The following BORCS5 variants were observed in gnomAD, a reference collection of about 807,000 sequenced individuals.
BORCS5 encodes BLOC-1-related complex subunit 5.
BORCS5 carries 17 observed loss-of-function variants against 22.1 expected under a neutral mutation model. The observed-to-expected ratio is 0.77, with a 90% CI of 0.53 to 1.15. The LOEUF (loss-of-function observed/expected upper bound fraction) is 1.15. Ranked by LOEUF, BORCS5 falls within the 50% of genes most tolerant of loss-of-function variation. The probability of loss-of-function intolerance (pLI) is 0.00; values close to 1 mark genes in which losing one functional copy is unlikely to be tolerated. For synonymous variants in BORCS5, 117 were observed against 99.8 expected (o/e 1.17, Z -1.03); for missense variants, 247 against 253.2 (o/e 0.98, Z 0.17).
intron 3 of BORCS5, among the ~76,000 whole-genome samples, chr12:12,458,686 C>G (rs954717499): frequency 2.0e-5 from 3 of 146,840 alleles, no homozygotes; most frequent in Non-Finnish European, 4.5e-5. Context: ...TCAAGAGATT[C>G]TCCTGGCTGG....
chr12:12,361,659 A>G (rs1863289676), intron 2 of BORCS5, among the ~76,000 whole-genome samples: 1 of 152,224 alleles, frequency 6.6e-6, no homozygotes, highest in African/African-American at 2.4e-5. Flanking sequence ...TTGAATTCCC[A>G]GCACGTGAAA....
chr12:12,410,745 T>A (rs933992053), intron 2 of BORCS5, among the ~76,000 whole-genome samples: 2 of 152,192 alleles, frequency 1.3e-5, no homozygotes, highest in African/African-American at 4.8e-5. Flanking sequence ...TTCAAGTAGT[T>A]TTTTCCAATT....
intron 1 of BORCS5, among the ~76,000 whole-genome samples, 182 bp downstream of exon 1, chr12:12,357,691 G>A (rs1046067548): frequency 2.0e-5 from 3 of 152,026 alleles, no homozygotes; most frequent in African/African-American, 7.2e-5. Flanking sequence ...GGAAGTGCGT[G>A]TGACTGCAAG....
chr12:12,387,096 G>T (rs993762967), intron 2 of BORCS5, among the ~76,000 whole-genome samples: 1 of 151,224 alleles, frequency 6.6e-6, no homozygotes, highest in South Asian at 2.1e-4. Flanking sequence ...TCAAACACCT[G>T]GCCTCAAGTC....
chr12:12,416,773 T>C (rs934766058), intron 2 of BORCS5, among the ~76,000 whole-genome samples: 1 of 149,264 alleles, frequency 6.7e-6, no homozygotes. Context: ...TGTTTTTTAA[T>C]GTAAACTTTT....
intron 3 of BORCS5, among the ~76,000 whole-genome samples, chr12:12,456,885 A>G (rs1943007026): frequency 6.6e-6 from 1 of 152,044 alleles, no homozygotes; most frequent in African/African-American, 2.4e-5. Flanking sequence ...GTAAGTTGTC[A>G]TCTGAGTGAT....
Position 12,377,733 on chromosome 12 carries a change from A to G in BORCS5, c.202+16384A>G, listed in dbSNP as rs148124649. Among the ~76,000 whole-genome samples the G allele has an allele frequency of 3.7e-3, 571 of 152,316 alleles. 4 individuals are homozygous for G. Among genetic ancestry groups the G allele is most frequent in the African/African-American group, 0.012 (495 of 41,568 alleles). ...AGCTTCTGTAGTATTTCAGGGGATC[A>G]GTAGCTCTTGAGAGCTAGCGGTAGT... On this transcript the variant is annotated intron_variant, in intron 2 of 3. Transcript: ENST00000314565.
At chr12:12,385,457 G>C (rs1215446271) in intron 2 of BORCS5, among the ~76,000 whole-genome samples, 3 of 151,340 alleles carry the variant, frequency 2.0e-5, no homozygotes, top group Non-Finnish European at 4.4e-5. Context: ...GAGGCAGGAA[G>C]GTTGGGAGAA....
intron 2 of BORCS5, among the ~76,000 whole-genome samples, chr12:12,392,960 G>C (rs1941234491): frequency 6.6e-6 from 1 of 152,050 alleles, no homozygotes; most frequent in Non-Finnish European, 1.5e-5. Context: ...CAGGTGTGGT[G>C]GCTCATGCCT....
chr12:12,439,358 T>G (rs1001395004), intron 3 of BORCS5, among the ~76,000 whole-genome samples: 1 of 152,194 alleles, frequency 6.6e-6, no homozygotes. Flanking sequence ...GCGGGCGACA[T>G]GGCTCATGCC....
chr12:12,406,328 A>G (rs1414289533), intron 2 of BORCS5, among the ~76,000 whole-genome samples: 1 of 152,194 alleles, frequency 6.6e-6, no homozygotes, highest in Non-Finnish European at 1.5e-5. Flanking sequence ...TTTTTCTGAA[A>G]TTGATCTTGT....
intron 2 of BORCS5, among the ~76,000 whole-genome samples, chr12:12,367,991 T>C (rs192996764): frequency 2.3e-4 from 35 of 152,336 alleles, no homozygotes; most frequent in African/African-American, 7.0e-4. Flanking sequence ...GCTTTCTCTG[T>C]TCTCATTTCT....
intron 2 of BORCS5, among the ~76,000 whole-genome samples, chr12:12,392,740 GA>G (rs1220303424): frequency 2.0e-5 from 3 of 152,112 alleles, no homozygotes; most frequent in African/African-American, 7.3e-5. Context: ...AATTATTATA[GA>G]AAGTTCTTTT....
chr12:12,375,750 ATTTGC>A (rs1474618914), intron 2 of BORCS5, among the ~76,000 whole-genome samples: 1 of 152,222 alleles, frequency 6.6e-6, no homozygotes, highest in Non-Finnish European at 1.5e-5. Context: ...ATAGATAATC[ATTTGC>A]TTCTACCAAC....
intron 2 of BORCS5, among the ~76,000 whole-genome samples, chr12:12,402,308 A>C (rs1941499193): frequency 6.6e-6 from 1 of 152,180 alleles, no homozygotes; most frequent in Admixed American, 6.5e-5. Flanking sequence ...GAGAAAAAAG[A>C]GTTGAGAGAG....
At chr12:12,415,336 TAGG>T (rs1451626792) in intron 2 of BORCS5, among the ~76,000 whole-genome samples, 5 of 149,936 alleles carry the variant, frequency 3.3e-5, no homozygotes, top group Non-Finnish European at 6.0e-5. Context: ...CACTCGCGGT[TAGG>T]AGCTGGAGAC....
rs71436712 is a variant in BORCS5 at position 12,362,636 on chromosome 12, CTT to C, written c.202+1312_202+1313del. 1.7e-3 allele frequency among the ~76,000 whole-genome samples: 99 copies of C among 57,586 alleles called. 1 individual carries two copies. Among genetic ancestry groups the C allele is most frequent in the African/African-American group, 5.4e-3 (98 of 18,272 alleles). 37.8% of individuals were successfully genotyped at this position (57,586 alleles called of 152,430 possible). A position where few individuals can be genotyped will look rare whatever the true frequency, so the allele number is the denominator to read the frequency against. On this transcript the variant is annotated intron_variant, in intron 2 of 3. Transcript: ENST00000314565. ...CAACACATTATATCATGTTACTCAT[CTT>C]TTTTTTTTTTTTTTTTTTTTTTTTA...
intron 2 of BORCS5, among the ~76,000 whole-genome samples, chr12:12,409,371 C>T (rs1310701018): frequency 6.6e-6 from 1 of 151,258 alleles, no homozygotes; most frequent in Non-Finnish European, 1.5e-5. Flanking sequence ...TCCCTCCCTC[C>T]TCCCCCCACC....
chr12:12,438,365 A>AAAAAAAAAAC (rs1942600342), intron 3 of BORCS5, among the ~76,000 whole-genome samples: 1 of 118,078 alleles, frequency 8.5e-6, no homozygotes, highest in African/African-American at 4.4e-5. Context: ...CATCTCAAAA[A>AAAAAAAAAAC]AAAAAAAAAA....
Sources: gnomAD v4.1 joint callset for allele counts (sites outside exome capture counted in the v4.1 genomes callset) on GRCh38, gnomAD v4.1.1 for gene constraint, MANE v1.5 for transcripts, NCBI Gene and HGNC (gene_info 2026-07-23, HGNC 2026-07-21) for gene names.